The following LRP1B variants were observed in gnomAD, a reference collection of about 807,000 sequenced individuals.
The protein encoded by LRP1B is low-density lipoprotein receptor-related protein 1B.
Under a neutral mutation model 556.6 loss-of-function variants are expected in LRP1B, and 217 were observed. The ratio of observed to expected loss-of-function variants is 0.39; its 90% CI spans 0.35 to 0.44. LRP1B has a LOEUF of 0.44. Among genes scored for constraint, LRP1B ranks in the 20% least tolerant of loss-of-function variants. LRP1B has a pLI of 1.00. For synonymous variants in LRP1B, 2,047 were observed against 1,865.8 expected (o/e 1.10, Z -2.50); for missense variants, 5,053 against 5,620.8 (o/e 0.90, Z 3.23).
chr2:140,392,338 C>A (rs1684059582), intron 66 of LRP1B, among the ~76,000 whole-genome samples: 1 of 152,128 alleles, frequency 6.6e-6, no homozygotes, highest in African/African-American at 2.4e-5. Context: ...CTGAGTTTAT[C>A]TTCACAGGTG....
chr2:140,747,149 C>T (rs1286012346), intron 35 of LRP1B, among the ~76,000 whole-genome samples: 1 of 152,084 alleles, frequency 6.6e-6, no homozygotes, highest in Non-Finnish European at 1.5e-5. Context: ...CAATATTGCT[C>T]GTGAATCTGC....
At chr2:140,519,275 G>A (rs1203197389) in intron 49 of LRP1B, among the ~76,000 whole-genome samples, 1 of 152,040 alleles carries the variant, frequency 6.6e-6, no homozygotes, top group Non-Finnish European at 1.5e-5. Context: ...ATAGACCAAT[G>A]GAACAGAACA....
chr2:140,310,391 C>A, intron 83 of LRP1B, among the ~76,000 whole-genome samples: 2 of 127,874 alleles, frequency 1.6e-5, no homozygotes. Flanking sequence ...TTAGAAAAAG[C>A]AATCCTAAAA....
At chr2:140,643,124 A>T (rs1265622931) in intron 41 of LRP1B, among the ~76,000 whole-genome samples, 1 of 152,168 alleles carries the variant, frequency 6.6e-6, no homozygotes, top group African/African-American at 2.4e-5. Flanking sequence ...GCTATACTTT[A>T]CAATTCTGAT....
rs1437632854 is a variant in LRP1B at position 140,351,517 on chromosome 2, TACTA to T, written c.11651-483_11651-480del. Among the ~76,000 whole-genome samples the T allele has an allele frequency of 7.9e-5, 12 of 152,210 alleles. 1 individual carries two copies. The highest frequency in any genetic ancestry group is 2.9e-4 in the African/African-American group (12 of 41,566). On this transcript the variant is annotated intron_variant, in intron 76 of 90. Coordinates refer to ENST00000389484, the MANE Select transcript of LRP1B (RefSeq NM_018557.3). ...ACTGTATTTATACATCTTAAATGCT[TACTA>T]ACTTTTAACATAAAAAGATATCAGT...
intron 25 of LRP1B, 57 bp downstream of exon 25, chr2:140,883,760 A>T (rs2105186286): frequency 1.4e-6 from 2 of 1,462,212 alleles, no homozygotes; most frequent in South Asian, 1.2e-5. Flanking sequence ...ATTCAATGTT[A>T]AATTGAAAGA....
intron 17 of LRP1B, among the ~76,000 whole-genome samples, chr2:140,986,239 C>T (rs952480577): frequency 2.6e-5 from 4 of 151,816 alleles, no homozygotes; most frequent in Non-Finnish European, 5.9e-5. Context: ...GAATAGAACA[C>T]GATATATCTA....
At chr2:141,074,455 T>G (rs1358276659) in intron 7 of LRP1B, among the ~76,000 whole-genome samples, 2 of 151,830 alleles carry the variant, frequency 1.3e-5, no homozygotes, top group Non-Finnish European at 2.9e-5. Context: ...TTGTTTAAAA[T>G]CTATGAAGCA....
intron 1 of LRP1B, among the ~76,000 whole-genome samples, chr2:142,059,629 G>T (rs970731927): frequency 6.6e-6 from 1 of 151,960 alleles, no homozygotes; most frequent in African/African-American, 2.4e-5. Flanking sequence ...GTAAAGAAAA[G>T]ATATTATCAA....
At chr2:141,920,963 A>G (rs1321450966) in intron 1 of LRP1B, among the ~76,000 whole-genome samples, 1 of 152,000 alleles carries the variant, frequency 6.6e-6, no homozygotes, top group Non-Finnish European at 1.5e-5. Context: ...AATGTGTGAG[A>G]ACTCACTCAT....
intron 2 of LRP1B, among the ~76,000 whole-genome samples, chr2:141,595,020 A>G (rs4954706): frequency 0.053 from 7,992 of 152,160 alleles, 318 homozygotes; most frequent in East Asian, 0.18. Flanking sequence ...TTTTATATTA[A>G]GTATTTTAAA....
At chr2:140,737,943 A>T (rs1479311178) in intron 35 of LRP1B, among the ~76,000 whole-genome samples, 2 of 152,186 alleles carry the variant, frequency 1.3e-5, no homozygotes, top group African/African-American at 4.8e-5. Flanking sequence ...TGCAGCCATT[A>T]GTCTGATCCA....
At chr2:140,537,629 A>C (rs1679968326) in intron 45 of LRP1B, among the ~76,000 whole-genome samples, 1 of 152,144 alleles carries the variant, frequency 6.6e-6, no homozygotes, top group Admixed American at 6.6e-5. Flanking sequence ...GCAGGAGGAC[A>C]ATGGTCAAGT....
chr2:141,630,194 C>G (rs1688858670), intron 2 of LRP1B, among the ~76,000 whole-genome samples: 1 of 152,144 alleles, frequency 6.6e-6, no homozygotes, highest in African/African-American at 2.4e-5. Flanking sequence ...CAAACCATCA[C>G]ACACAGGAAA....
At chr2:140,330,494 TGGTGCTA>T (rs1415332358) in intron 79 of LRP1B, among the ~76,000 whole-genome samples, 2 of 152,026 alleles carry the variant, frequency 1.3e-5, no homozygotes, top group African/African-American at 4.8e-5. Flanking sequence ...ATTTAATAAA[TGGTGCTA>T]GGAGAACTGG....
chr2:141,762,312 G>T (rs894526788), intron 2 of LRP1B, among the ~76,000 whole-genome samples: 2 of 151,928 alleles, frequency 1.3e-5, no homozygotes, highest in African/African-American at 4.8e-5. Context: ...TGCCACGGGA[G>T]AAGATGAAGA....
chr2:140,650,343 T>G (rs994592684), intron 41 of LRP1B, among the ~76,000 whole-genome samples: 79 of 148,894 alleles, frequency 5.3e-4, no homozygotes, highest in African/African-American at 1.6e-3. Context: ...ATTTATTTAT[T>G]TATTTATTTA....
intron 31 of LRP1B, among the ~76,000 whole-genome samples, chr2:140,832,972 T>C (rs1691767869): frequency 1.3e-5 from 2 of 152,244 alleles, no homozygotes; most frequent in South Asian, 4.1e-4. Context: ...TATATGCATG[T>C]ATCAAAATAT....
intron 2 of LRP1B, among the ~76,000 whole-genome samples, chr2:141,552,375 T>C (rs1440973021): frequency 6.6e-6 from 1 of 152,072 alleles, no homozygotes; most frequent in African/African-American, 2.4e-5. Context: ...ATTGTGAGTA[T>C]TAAAACAGAG....
Sources: gnomAD v4.1 joint callset for allele counts (sites outside exome capture counted in the v4.1 genomes callset) on GRCh38, gnomAD v4.1.1 for gene constraint, MANE v1.5 for transcripts, NCBI Gene and HGNC (gene_info 2026-07-23, HGNC 2026-07-21) for gene names.